GRIA1: variants seen among roughly 807,000 people sequenced by gnomAD.
The protein encoded by GRIA1 is glutamate ionotropic receptor AMPA type subunit 1.
In GRIA1, 31 loss-of-function variants were observed where a neutral mutation model predicts 99.2. The observed-to-expected ratio is 0.31, with a 90% CI of 0.23 to 0.42. GRIA1 has a LOEUF of 0.42. Ranked by LOEUF, GRIA1 falls within the 10% of genes least tolerant of loss-of-function variation. The pLI is 1.00. For synonymous variants in GRIA1, 438 were observed against 432.4 expected, an observed-to-expected ratio of 1.01 and a Z score of -0.16; for missense variants, 782 against 1,157.5, an observed-to-expected ratio of 0.68 and a Z score of 4.71.
chr5:153,631,936 A>G (rs1753008265), intron 2 of GRIA1, among the ~76,000 whole-genome samples: 1 of 152,134 alleles, frequency 6.6e-6, no homozygotes, highest in Non-Finnish European at 1.5e-5. Flanking sequence ...GAGGTGTGGT[A>G]TGTTGCAGAA....
chr5:153,628,741 G>T (rs183665899), intron 2 of GRIA1, among the ~76,000 whole-genome samples: 1 of 151,772 alleles, frequency 6.6e-6, no homozygotes, highest in Non-Finnish European at 1.5e-5. Context: ...TTGTTTGTGG[G>T]TTTTTTTTCT....
In GRIA1 at chr5:153,712,792, C is replaced by T. The variant is rs188947550; in HGVS notation, c.1823+6725C>T. ...GAAATGTGCGATAGCTAATCTGGGT[C>T]TTGGGACTAGGCATGGGGGTTTCTG... On this transcript the variant is annotated intron_variant, in intron 11 of 15. Coordinates refer to ENST00000285900, the MANE Select transcript of GRIA1 (RefSeq NM_000827.4). Among the ~76,000 whole-genome samples the T allele has an allele frequency of 4.7e-4, 71 of 152,320 alleles. 1 individual carries two copies. In the East Asian group the frequency reaches 0.013, roughly 29 times the overall value.
At chr5:153,564,507 G>A (rs1225847132) in intron 2 of GRIA1, among the ~76,000 whole-genome samples, 1 of 152,146 alleles carries the variant, frequency 6.6e-6, no homozygotes, top group Non-Finnish European at 1.5e-5. Flanking sequence ...TTCACATGGA[G>A]CACAATGGAG....
chr5:153,709,262 C>T (rs1342261072), intron 11 of GRIA1, among the ~76,000 whole-genome samples: 2 of 152,206 alleles, frequency 1.3e-5, no homozygotes, highest in East Asian at 1.9e-4. Context: ...TTAAAGCTGA[C>T]ATTCATCAAA....
intron 2 of GRIA1, among the ~76,000 whole-genome samples, chr5:153,534,903 T>TTTTTGTTTTG (rs3064336): frequency 1.3e-5 from 2 of 150,490 alleles, no homozygotes; most frequent in African/African-American, 4.9e-5. Context: ...CACAGGCCTT[T>TTTTTGTTTTG]TTTTGTTTTG....
chr5:153,590,908 T>C (rs1763917501), intron 2 of GRIA1, among the ~76,000 whole-genome samples: 1 of 152,326 alleles, frequency 6.6e-6, no homozygotes, highest in East Asian at 1.9e-4. Flanking sequence ...AGAAGATTAT[T>C]TGTAAGAGTG....
intron 2 of GRIA1, among the ~76,000 whole-genome samples, chr5:153,552,016 G>C (rs1344709419): frequency 6.6e-6 from 1 of 152,132 alleles, no homozygotes; most frequent in Non-Finnish European, 1.5e-5. Context: ...CTTTGGAATT[G>C]TCTGCCAGTG....
chr5:153,794,454 C>T (rs761721162), intron 13 of GRIA1, among the ~76,000 whole-genome samples, 167 bp from the exon 14 acceptor site: 1 of 152,182 alleles, frequency 6.6e-6, no homozygotes, highest in Admixed American at 6.5e-5. Context: ...TATGCCTTGG[C>T]TCCATCCCCC....
rs549761611 is a variant in GRIA1, at chr5:153,732,173, G to T, written c.1823+26106G>T. Among the ~76,000 whole-genome samples the T allele has an allele frequency of 5.3e-5, 8 of 152,222 alleles. No individual in the cohort carries two copies. The South Asian group carries it at 8.3e-4, about 16-fold the overall frequency. ...CTATATCTTGGCTATTGTGAATAGT[G>T]CTACAATGAACATGACAGTGCATAT... On this transcript the variant is annotated intron_variant, in intron 11 of 15. Transcript: ENST00000285900.
In GRIA1 at chr5:153,799,722, C is replaced by T. The variant is rs140906141; in HGVS notation, c.2386-2634C>T. ...CCTTCAAAAGGTGGCAGTTCCTATA[C>T]CGTCTAGCTGTCCTCTTTGTAAAGG... On this transcript the variant is annotated intron_variant, in intron 14 of 15. Coordinates refer to ENST00000285900, the MANE Select transcript of GRIA1 (RefSeq NM_000827.4). 3.8e-3 allele frequency among the ~76,000 whole-genome samples: 580 copies of T among 152,282 alleles called. 7 individuals carry two copies. The highest frequency in any genetic ancestry group is 0.013 in the African/African-American group (545 of 41,560).
At chr5:153,808,638 T>A (rs78695723) in intron 15 of GRIA1, among the ~76,000 whole-genome samples, 1 of 152,006 alleles carries the variant, frequency 6.6e-6, no homozygotes, top group Non-Finnish European at 1.5e-5. Flanking sequence ...GGCATCAGGG[T>A]TTTTTCCCCA....
intron 8 of GRIA1, 74 bp downstream of exon 8, chr5:153,686,403 G>C: frequency 9.6e-7 from 1 of 1,043,812 alleles, no homozygotes; most frequent in South Asian, 1.3e-5. Context: ...CTGAGGGCCT[G>C]TGAGTCCACC....
At chr5:153,644,031 T>C (rs1310519814) in intron 2 of GRIA1, among the ~76,000 whole-genome samples, 2 of 152,210 alleles carry the variant, frequency 1.3e-5, no homozygotes, top group African/African-American at 2.4e-5. Context: ...TCCTGTAGGA[T>C]AATATTTTAT....
intron 11 of GRIA1, among the ~76,000 whole-genome samples, chr5:153,732,290 G>A (rs917589665): frequency 1.3e-5 from 2 of 151,848 alleles, no homozygotes; most frequent in African/African-American, 2.4e-5. Flanking sequence ...ACTTTTTTGA[G>A]GGCCCTTCAC....
intron 2 of GRIA1, among the ~76,000 whole-genome samples, chr5:153,636,642 T>A (rs936965579): frequency 5.9e-5 from 9 of 152,244 alleles, no homozygotes; most frequent in African/African-American, 1.7e-4. Flanking sequence ...GAAGTTGGAA[T>A]GCCTGTGTTT....
At chr5:153,731,999 G>T (rs1056063587) in intron 11 of GRIA1, among the ~76,000 whole-genome samples, 2 of 152,010 alleles carry the variant, frequency 1.3e-5, no homozygotes, top group African/African-American at 4.8e-5. Flanking sequence ...GGTGTCATTT[G>T]TCTTTCTGTG....
chr5:153,725,553 A>G (rs1000552331), intron 11 of GRIA1, among the ~76,000 whole-genome samples: 1 of 105,130 alleles, frequency 9.5e-6, no homozygotes, highest in African/African-American at 3.9e-5. Context: ...AGGAAGATCT[A>G]CCAAGCAAAT....
At chr5:153,548,149 C>T (rs1249765833) in intron 2 of GRIA1, among the ~76,000 whole-genome samples, 1 of 152,146 alleles carries the variant, frequency 6.6e-6, no homozygotes, top group East Asian at 1.9e-4. Context: ...GGCAGACATA[C>T]TGACTCTTCC....
intron 11 of GRIA1, among the ~76,000 whole-genome samples, chr5:153,721,168 TCTTA>T (rs1262613387): frequency 2.0e-5 from 3 of 152,242 alleles, no homozygotes; most frequent in Non-Finnish European, 2.9e-5. Context: ...AAGGGAATTT[TCTTA>T]CTTACACACA....
Sources: allele counts gnomAD v4.1 joint callset (sites outside exome capture counted in the v4.1 genomes callset), GRCh38; gene constraint gnomAD v4.1.1; transcripts MANE v1.5; gene names NCBI Gene and HGNC (gene_info 2026-07-23, HGNC 2026-07-21).